CEP83: variants seen among roughly 807,000 people sequenced by gnomAD.
The protein encoded by CEP83 is centrosomal protein 83.
In CEP83, 70 loss-of-function variants were observed where a neutral mutation model predicts 101.9. The observed-to-expected ratio is 0.69, with a 90% CI of 0.57 to 0.84. The LOEUF (loss-of-function observed/expected upper bound fraction) is 0.84. Among genes scored for constraint, CEP83 ranks in the 40% least tolerant of loss-of-function variants. The pLI, the probability that CEP83 is intolerant of heterozygous loss-of-function variation, is 0.00. For synonymous variants in CEP83, 264 were observed against 267.9 expected, an observed-to-expected ratio of 0.99 and a Z score of 0.14; for missense variants, 715 against 787.2, an observed-to-expected ratio of 0.91 and a Z score of 1.10.
downstream of CEP83, among the ~76,000 whole-genome samples, chr12:94,301,751 C>T (rs554419553): frequency 1.3e-5 from 2 of 152,268 alleles, no homozygotes; most frequent in South Asian, 4.1e-4. Flanking sequence ...GTGCCTCAGA[C>T]TCCCAGTCAT....
At chr12:94,338,839 T>G (rs1015110025) in intron 11 of CEP83, among the ~76,000 whole-genome samples, 4 of 152,188 alleles carry the variant, frequency 2.6e-5, no homozygotes, top group African/African-American at 9.6e-5. Context: ...AATGGAAACT[T>G]TGGAATAACA....
At chr12:94,275,718 A>G in the CEP83 span, among the ~76,000 whole-genome samples, 8 of 129,310 alleles carry the variant, frequency 6.2e-5, 2 homozygotes, top group East Asian at 6.7e-4. Flanking sequence ...AGCCGGGCGT[A>G]GTGGCGGGCG....
chr12:94,281,002 G>C, the CEP83 span, among the ~76,000 whole-genome samples: 1 of 152,178 alleles, frequency 6.6e-6, no homozygotes, highest in East Asian at 1.9e-4. Flanking sequence ...CACCAGGCTG[G>C]ACGTGGTGGC....
the CEP83 span, among the ~76,000 whole-genome samples, chr12:94,300,154 T>C: frequency 6.6e-6 from 1 of 152,174 alleles, no homozygotes; most frequent in African/African-American, 2.4e-5. Context: ...AAAGTCCAGG[T>C]CCCATTCTAA....
At chr12:94,352,217 G>C (rs868607636) in intron 11 of CEP83, among the ~76,000 whole-genome samples, 18 of 152,212 alleles carry the variant, frequency 1.2e-4, no homozygotes, top group Middle Eastern at 3.4e-3. Context: ...TCAGGAGTTT[G>C]AGAACAGCCT....
At chr12:94,438,673 C>A (rs1033383192) in intron 1 of CEP83, among the ~76,000 whole-genome samples, 1 of 152,164 alleles carries the variant, frequency 6.6e-6, no homozygotes, top group East Asian at 1.9e-4. Flanking sequence ...CAGACTATAC[C>A]CTAAAACAAA....
intron 14 of CEP83, among the ~76,000 whole-genome samples, chr12:94,330,220 G>A (rs2059144013): frequency 6.6e-6 from 1 of 151,948 alleles, no homozygotes; most frequent in Non-Finnish European, 1.5e-5. Context: ...CTACTATTAG[G>A]GGAATTTATC....
intron 11 of CEP83, among the ~76,000 whole-genome samples, chr12:94,348,556 C>G (rs569188897): frequency 6.6e-6 from 1 of 151,978 alleles, no homozygotes; most frequent in Non-Finnish European, 1.5e-5. Flanking sequence ...ATACGACTAC[C>G]GGCAATGACC....
the CEP83 span, chr12:94,282,292 T>C: frequency 1.8e-5 from 29 of 1,605,256 alleles, no homozygotes; most frequent in Non-Finnish European, 2.5e-5. Flanking sequence ...AAATGCTCTT[T>C]TTCAGAGCTT....
In CEP83 at chr12:94,354,306, C is replaced by T. The variant is rs573285449; in HGVS notation, c.1343+13488G>A. On this transcript the variant is annotated intron_variant, in intron 11 of 16. Transcript: ENST00000397809. ...CCTGGGTTCTTGTGCCTCAGCCTCTCGAGTAGCGGGGATTACTGTCACGCA... is the reference window on the plus strand; with the variant it reads ...CCTGGGTTCTTGTGCCTCAGCCTCTTGAGTAGCGGGGATTACTGTCACGCA... 1.7e-3 allele frequency among the ~76,000 whole-genome samples: 258 copies of T among 152,030 alleles called. No homozygotes were observed. In the Middle Eastern group the frequency reaches 0.024, roughly 14 times the overall value.
chr12:94,282,506 T>C, the CEP83 span: 1 of 767,430 alleles, frequency 1.3e-6, no homozygotes, highest in Non-Finnish European at 2.2e-6. Context: ...CTGGAATGAC[T>C]TGCAGATCGA....
At chr12:94,333,197 T>C in intron 13 of CEP83, among the ~76,000 whole-genome samples, 1 of 152,104 alleles carries the variant, frequency 6.6e-6, no homozygotes, top group East Asian at 1.9e-4. Flanking sequence ...TGAAGAAATG[T>C]TTTGGTTTAA....
At position 94,312,948 on chromosome 12, in the gene CEP83, C is replaced by T; in HGVS notation, c.1777G>A (p.Glu593Lys). The change falls in exon 15 of 17, where the codon GAA (glutamate) becomes AAA (lysine). Residue 593 changes from glutamate to lysine, a missense_variant. By Grantham distance (56) the Glu-to-Lys change is moderately conservative. Transcript: ENST00000397809. Reference protein sequence around the residue: ...EKVEVLEAKKEELETENQVLN... With the variant: ...EKVEVLEAKKKELETENQVLN... ...ACCTGATTTTCTGTTTCCAATTCTT[C>T]TTTCTTTGCCTCCAAGACTTCTACT... 6.3e-7 allele frequency: 1 copy of T among 1,589,840 alleles called. No individual in the cohort carries two copies. Among genetic ancestry groups the T allele is most frequent in the Non-Finnish European group, 8.6e-7 (1 of 1,162,238 alleles).
the CEP83 span, among the ~76,000 whole-genome samples, chr12:94,283,909 C>A: frequency 2.0e-5 from 3 of 151,978 alleles, no homozygotes; most frequent in East Asian, 3.9e-4. Flanking sequence ...CACGGTAAAA[C>A]GCTGTCTCTA....
the CEP83 span, among the ~76,000 whole-genome samples, chr12:94,272,670 C>T: frequency 2.0e-5 from 3 of 152,198 alleles, no homozygotes. Context: ...CTTTGGAGGC[C>T]AAGGTGGGAG....
At chr12:94,382,629 T>C (rs1041726699) in intron 6 of CEP83, among the ~76,000 whole-genome samples, 3 of 151,968 alleles carry the variant, frequency 2.0e-5, no homozygotes, top group Non-Finnish European at 4.4e-5. Flanking sequence ...AAGTATGTCA[T>C]TTCATTTCCA....
the CEP83 span, among the ~76,000 whole-genome samples, chr12:94,287,319 G>A: frequency 4.6e-5 from 7 of 152,212 alleles, no homozygotes; most frequent in Non-Finnish European, 4.4e-5. Flanking sequence ...GAAGGGGACT[G>A]TGCTTTGCTC....
chr12:94,335,196 A>G (rs940997929), intron 12 of CEP83, among the ~76,000 whole-genome samples: 2 of 152,136 alleles, frequency 1.3e-5, no homozygotes, highest in Non-Finnish European at 2.9e-5. Context: ...TGGATTTCAT[A>G]GGGATATAGC....
At chr12:94,443,869 CTA>C (rs2066603906) in intron 1 of CEP83, among the ~76,000 whole-genome samples, 2 of 152,158 alleles carry the variant, frequency 1.3e-5, no homozygotes, top group Admixed American at 6.5e-5. Flanking sequence ...TCCAAAGAAA[CTA>C]TAAATTCCTC....
Sources: allele counts gnomAD v4.1 joint callset (sites outside exome capture counted in the v4.1 genomes callset), GRCh38; gene constraint gnomAD v4.1.1; transcripts MANE v1.5; gene names NCBI Gene and HGNC (gene_info 2026-07-23, HGNC 2026-07-21).